The following CPZ variants were observed in gnomAD, a reference collection of about 807,000 sequenced individuals.
The protein encoded by CPZ is VEZT/CPZ fusion.
In CPZ, 103 loss-of-function variants were observed where a neutral mutation model predicts 61.8. That is an observed-to-expected ratio of 1.67 (90% CI 1.42 to 1.96). The LOEUF is 1.96. CPZ is among the 30% of genes most tolerant of loss of function. The probability of loss-of-function intolerance (pLI) is 0.00; values close to 1 mark genes in which losing one functional copy is unlikely to be tolerated. For missense variants in CPZ, 1,461 were observed against 914.9 expected, an observed-to-expected ratio of 1.60 and a Z score of -7.70; for synonymous variants, 551 against 373.7, an observed-to-expected ratio of 1.47 and a Z score of -5.47.
Position 8,609,251 on chromosome 4 carries a change from AC to A in CPZ, c.1227+1827del, listed in dbSNP as rs1490547815. 6.7e-3 allele frequency among the ~76,000 whole-genome samples: 437 copies of A among 65,048 alleles called. 2 individuals carry two copies. The highest frequency in any genetic ancestry group is 0.033 in the African/African-American group (407 of 12,198). The allele number at this position is 65,048 out of a possible 152,430, so 42.7% of individuals were successfully genotyped here. A position where few individuals can be genotyped will look rare whatever the true frequency, so the allele number is the denominator to read the frequency against. ...ACTCATTGTCACTCATTCACTCATCACTCACTCATTCTCTTATTCATTCACA... is the reference window on the plus strand; with the variant it reads ...ACTCATTGTCACTCATTCACTCATCATCACTCATTCTCTTATTCATTCACA... On this transcript the variant is annotated intron_variant, in intron 7 of 10. Transcript: ENST00000360986.
At chr4:8,609,631 C>A (rs1715480679) in intron 7 of CPZ, among the ~76,000 whole-genome samples, 1 of 152,160 alleles carries the variant, frequency 6.6e-6, no homozygotes, top group African/African-American at 2.4e-5. Flanking sequence ...TGTGTCTCAG[C>A]CTCAGAGCTG....
chr4:8,599,250 T>C (rs1356298811), intron 1 of CPZ, among the ~76,000 whole-genome samples: 3 of 152,216 alleles, frequency 2.0e-5, no homozygotes, highest in Non-Finnish European at 4.4e-5. Flanking sequence ...TCATGTGACC[T>C]CTCAGACGCA....
intron 7 of CPZ, chr4:8,611,323 A>C (rs1715658584): frequency 2.2e-6 from 1 of 453,374 alleles, no homozygotes; most frequent in Non-Finnish European, 4.4e-6. Flanking sequence ...GGATCTGTGG[A>C]CTCTGCCTGG....
At chr4:8,593,292 G>A (rs1713934514) in intron 1 of CPZ, among the ~76,000 whole-genome samples, 1 of 152,178 alleles carries the variant, frequency 6.6e-6, no homozygotes, top group Admixed American at 6.5e-5. Flanking sequence ...AGGTCCCCGG[G>A]TCTTTCCAGG....
At chr4:8,606,224 C>T (rs371415357) in intron 5 of CPZ, 39 bp downstream of exon 5, 122 of 1,568,084 alleles carry the variant, frequency 7.8e-5, no homozygotes, top group Admixed American at 1.8e-4. Flanking sequence ...GGCCACCGCC[C>T]GAACCACCCC....
In CPZ at chr4:8,614,413, T is replaced by C; in HGVS notation, c.1418T>C (p.Leu473Pro). 1 of 1,614,060 alleles carries C rather than the reference T, an allele frequency of 6.2e-7. No individual in the cohort carries two copies. The highest frequency in any genetic ancestry group is 8.5e-7 in the Non-Finnish European group (1 of 1,179,966). ...HTNCFEITVELGCVKFPPEEA... is the reference protein window; with the variant it reads ...HTNCFEITVEPGCVKFPPEEA... ...AACTGCTTTGAGATCACGGTAGAGC[T>C]GGGCTGTGTGAAGTTCCCCCCCGAG... The change falls in exon 9 of 11, where the codon CTG (leucine) becomes CCG (proline). Residue 473 changes from leucine to proline, a missense_variant. By Grantham distance (98) the Leu-to-Pro change is moderately conservative. Coordinates refer to ENST00000360986, the MANE Select transcript of CPZ (RefSeq NM_001014447.3).
chr4:8,596,972 G>T (rs1241728132), intron 1 of CPZ, among the ~76,000 whole-genome samples: 2 of 152,216 alleles, frequency 1.3e-5, no homozygotes, highest in East Asian at 3.9e-4. Flanking sequence ...ACCCAAGCTC[G>T]CCAGCTCAGG....
intron 7 of CPZ, among the ~76,000 whole-genome samples, chr4:8,610,494 G>T (rs1029395756): frequency 2.6e-5 from 4 of 152,178 alleles, no homozygotes; most frequent in African/African-American, 9.7e-5. Context: ...GACACGGTGG[G>T]TTGGGTCAGG....
intron 4 of CPZ, among the ~76,000 whole-genome samples, chr4:8,605,145 CGG>C (rs1183299522): frequency 6.6e-6 from 1 of 152,222 alleles, no homozygotes; most frequent in Non-Finnish European, 1.5e-5. Flanking sequence ...CTGAGGAACA[CGG>C]GTGTTTCCTC....
intron 7 of CPZ, among the ~76,000 whole-genome samples, chr4:8,610,009 C>T (rs1560298997): frequency 6.6e-6 from 1 of 152,240 alleles, no homozygotes; most frequent in African/African-American, 2.4e-5. Flanking sequence ...TGCTGCTCCA[C>T]ACGTGCCCCT....
At chr4:8,605,965 C>G in intron 4 of CPZ, 24 bp from the exon 5 acceptor site, 2 of 1,603,766 alleles carry the variant, frequency 1.2e-6, no homozygotes, top group East Asian at 2.2e-5. Flanking sequence ...AGATGATGCC[C>G]CAAGTCTCTG....
intron 2 of CPZ, among the ~76,000 whole-genome samples, chr4:8,600,723 C>A (rs369210998): frequency 7.2e-5 from 11 of 152,258 alleles, no homozygotes; most frequent in Admixed American, 7.2e-4. Flanking sequence ...AGACACTAGA[C>A]GCCCAAAGCA....
chr4:8,605,349 T>TCCA (rs59970807), intron 4 of CPZ, among the ~76,000 whole-genome samples: 32 of 146,782 alleles, frequency 2.2e-4, no homozygotes, highest in African/African-American at 4.1e-4. Context: ...CATCCATCCA[T>TCCA]TTATTCATTC....
chr4:8,619,243 T>A lies in CPZ; in HGVS notation c.1604-19T>A, dbSNP rs774841061. Reference sequence around the variant, plus strand: ...TCTGCAGTCCTCGTGAGAATCATTTTTAATCTATTTGTCCACAGCCCCAGA... The same window carrying A: ...TCTGCAGTCCTCGTGAGAATCATTTATAATCTATTTGTCCACAGCCCCAGA... On this transcript the variant is annotated intron_variant, in intron 10 of 10. Coordinates refer to ENST00000360986, the MANE Select transcript of CPZ (RefSeq NM_001014447.3). 269 of 1,585,172 alleles carry A rather than the reference T, an allele frequency of 1.7e-4. No individual in the cohort carries two copies. The highest frequency in any genetic ancestry group is 2.0e-4 in the Non-Finnish European group (229 of 1,166,106).
chr4:8,598,938 G>A (rs1360178603), intron 1 of CPZ, among the ~76,000 whole-genome samples: 2 of 152,240 alleles, frequency 1.3e-5, no homozygotes, highest in East Asian at 3.9e-4. Context: ...GTGTCCTTGG[G>A]GGCACGGAGC....
chr4:8,600,341 G>A (rs1474054861), intron 2 of CPZ, among the ~76,000 whole-genome samples: 1 of 152,182 alleles, frequency 6.6e-6, no homozygotes, highest in Non-Finnish European at 1.5e-5. Flanking sequence ...ACTTTGACAT[G>A]AGACGTGGCA....
intron 9 of CPZ, among the ~76,000 whole-genome samples, chr4:8,617,185 C>T (rs1459656676): frequency 1.3e-5 from 2 of 152,188 alleles, no homozygotes; most frequent in Non-Finnish European, 2.9e-5. Context: ...GGGTCAGCCG[C>T]GGTGGGATTA....
At chr4:8,609,973 C>A (rs1186222220) in intron 7 of CPZ, among the ~76,000 whole-genome samples, 1 of 152,184 alleles carries the variant, frequency 6.6e-6, no homozygotes, top group Non-Finnish European at 1.5e-5. Context: ...TGTTCAAGGC[C>A]CTGCAGGCTG....
Position 8,619,475 on chromosome 4 carries a change from G to T in CPZ, c.1817G>T (p.Gly606Val), listed in dbSNP as rs755964538. The change falls in exon 11 of 11, where the codon GGT becomes GTT. Residue 606 changes from glycine to valine, a missense_variant. Physicochemically the swap from Gly to Val is moderately radical, Grantham distance 109. Transcript: ENST00000360986. ...RRTGPHDPLG[G>V]ASSLGEATEP... is the part of the protein sequence containing the mutation. The stretch of plus-strand genomic sequence containing the variant: ...ACTGGGCCCCACGACCCACTGGGAG[G>T]TGCCAGCTCTTTGGGGGAGGCCACG... 1.2e-6 allele frequency: 2 copies of T among 1,609,764 alleles called. No homozygotes were observed. The highest frequency in any genetic ancestry group is 2.2e-5 in the South Asian group (2 of 90,654).
Sources: gnomAD v4.1 joint callset for allele counts (sites outside exome capture counted in the v4.1 genomes callset) on GRCh38, gnomAD v4.1.1 for gene constraint, MANE v1.5 for transcripts, NCBI Gene and HGNC (gene_info 2026-07-23, HGNC 2026-07-21) for gene names.